The following POU5F1 variants were observed in gnomAD, a reference collection of about 807,000 sequenced individuals.
POU5F1 encodes POU class 5 homeobox 1, also known as POU domain, class 5, transcription factor 1.
In POU5F1, 6 loss-of-function variants were observed where a neutral mutation model predicts 38.3. The observed-to-expected ratio is 0.16, with a 90% CI of 0.09 to 0.31. The LOEUF (loss-of-function observed/expected upper bound fraction) is 0.31, where lower values mean the gene tolerates loss of function less well. Among genes scored for constraint, POU5F1 ranks in the 10% least tolerant of loss-of-function variants. The probability of loss-of-function intolerance (pLI) is 1.00; values close to 1 mark genes in which losing one functional copy is unlikely to be tolerated. For synonymous variants in POU5F1, 147 were observed against 194.9 expected, an observed-to-expected ratio of 0.75 and a Z score of 2.05; for missense variants, 286 against 462.6, an observed-to-expected ratio of 0.62 and a Z score of 3.50.
At chr6:31,168,463 G>A (rs3094194) in intron 1 of POU5F1, among the ~76,000 whole-genome samples, 108,191 of 151,946 alleles carry the variant, frequency 0.71, 38,934 homozygotes, top group African/African-American at 0.81. Context: ...TCGAACTCCC[G>A]ACCTCAGGTG....
chr6:31,166,943 T>C (rs1432689419), intron 1 of POU5F1: 1 of 1,106,662 alleles, frequency 9.0e-7, no homozygotes, highest in Non-Finnish European at 1.2e-6. Context: ...TGTGTGTACT[T>C]ACTCATTTTT....
chr6:31,167,360 G>A (rs28754323), intron 1 of POU5F1, among the ~76,000 whole-genome samples: 2,962 of 151,564 alleles, frequency 0.02, 94 homozygotes, highest in African/African-American at 0.067. Flanking sequence ...GACCCGTGCC[G>A]CCCCTTCTCC....
chr6:31,165,090 G>T lies in POU5F1; in HGVS notation c.816+38C>A. 2.5e-6 allele frequency: 4 copies of T among 1,595,192 alleles called. No individual in the cohort carries two copies. Among genetic ancestry groups the T allele is most frequent in the Non-Finnish European group, 3.4e-6 (4 of 1,171,270 alleles). On this transcript the variant is annotated intron_variant, in intron 4 of 4. Coordinates refer to ENST00000259915, the MANE Select transcript of POU5F1 (RefSeq NM_002701.6). The surrounding 1 kb of genome is among the most constrained non-coding windows in gnomAD (Gnocchi z 6.5). Reference sequence around the variant, plus strand: ...CTAGGGAAAGCGAGGTGGTGACAGGGGAAAGAGATGGAGCCCGCAGAGAGA... The same window carrying T: ...CTAGGGAAAGCGAGGTGGTGACAGGTGAAAGAGATGGAGCCCGCAGAGAGA...
At chr6:31,168,980 A>G (rs1196315232) in intron 1 of POU5F1, among the ~76,000 whole-genome samples, 1 of 152,162 alleles carries the variant, frequency 6.6e-6, no homozygotes, top group Non-Finnish European at 1.5e-5. Flanking sequence ...TGATCATATC[A>G]ATTTCAAATA....
chr6:31,164,971 AGAG>A, intron 4 of POU5F1, 104 bp from the exon 5 acceptor site: 3 of 1,550,758 alleles, frequency 1.9e-6, no homozygotes, highest in Non-Finnish European at 2.6e-6. Context: ...TAGAGCAGTT[AGAG>A]GAGGACATTA....
At chr6:31,169,684 A>T (rs1309952918) in intron 1 of POU5F1, among the ~76,000 whole-genome samples, 1 of 152,124 alleles carries the variant, frequency 6.6e-6, no homozygotes, top group East Asian at 1.9e-4. Flanking sequence ...CAAACAGGAG[A>T]TCCTATCAGA....
rs374746302 is a variant in POU5F1, at chr6:31,166,107, C to G, written c.406-60G>C. On this transcript the variant is annotated intron_variant, in intron 1 of 4. Coordinates refer to ENST00000259915, the MANE Select transcript of POU5F1 (RefSeq NM_002701.6). ...TAAACACACCAGTTATCAATCTCCC[C>G]TTTCCATTCGGGATTCAAGAACCTA... The G allele has an allele frequency of 6.6e-5, 106 of 1,614,098 alleles. No individual in the cohort carries two copies. The African/African-American group carries it at 1.4e-3, about 21-fold the overall frequency.
At chr6:31,168,023 A>G (rs1777403594) in intron 1 of POU5F1, among the ~76,000 whole-genome samples, 1 of 151,894 alleles carries the variant, frequency 6.6e-6, no homozygotes, top group African/African-American at 2.4e-5. Context: ...GCTCACTGCA[A>G]TCTCCGCCTT....
Position 31,164,553 on chromosome 6 carries a change from C to G in POU5F1, c.*48G>C, listed in dbSNP as rs1251306973. Reference sequence around the variant, plus strand: ...GGCACAAACTCCAGGTTTTCTTTCCCTAGCTCCTCCCCTCCCCCTGTCCCC... The same window carrying G: ...GGCACAAACTCCAGGTTTTCTTTCCGTAGCTCCTCCCCTCCCCCTGTCCCC... On this transcript the variant is annotated 3_prime_UTR_variant, in exon 5 of 5. Coordinates refer to ENST00000259915, the MANE Select transcript of POU5F1 (RefSeq NM_002701.6). The G allele has an allele frequency of 6.3e-7, 1 of 1,582,990 alleles. No homozygotes were observed. Among genetic ancestry groups the G allele is most frequent in the South Asian group, 1.2e-5 (1 of 86,754 alleles).
Position 31,170,218 on chromosome 6 carries a change from C to T in POU5F1, c.403G>A (p.Glu135Lys), listed in dbSNP as rs998426491. The change falls in exon 1 of 5, where the codon GAG (glutamate) becomes AAG (lysine). Residue 135 changes from glutamate to lysine, a missense_variant and splice_region_variant. Around this residue, in one of 2 missense-constraint regions of POU5F1, gnomAD observed 176 missense variants for 184.8 expected, o/e 0.95. Transcript: ENST00000259915. ...CAACCCCGTCGAAGCTCACTTGCCT[C>T]CTCCGGGTTTTGCTCCAGCTTCTCC... ...EKEKLEQNPE[E>K]SQDIKALQKE... The T allele has an allele frequency of 9.9e-6, 16 of 1,612,806 alleles. No homozygotes were observed. The East Asian group carries it at 1.6e-4, about 16-fold the overall frequency.
rs374244939 is a variant in POU5F1, at chr6:31,165,548, G to A, written c.657+23C>T. The A allele has an allele frequency of 4.0e-5, 64 of 1,612,814 alleles. No individual in the cohort carries two copies. Among genetic ancestry groups the A allele is most frequent in the Non-Finnish European group, 4.9e-5 (58 of 1,179,998 alleles). Reference sequence around the variant, plus strand: ...TTAGGCCAAGAAAGGGAAGGTCCCCGGGTATCCCCCTCCCACCCTTACCTC... The same window carrying A: ...TTAGGCCAAGAAAGGGAAGGTCCCCAGGTATCCCCCTCCCACCCTTACCTC... On this transcript the variant is annotated intron_variant, in intron 3 of 4. Coordinates refer to ENST00000259915, the MANE Select transcript of POU5F1 (RefSeq NM_002701.6). The surrounding 1 kb of genome is among the most constrained non-coding windows in gnomAD (Gnocchi z 6.5).
chr6:31,165,088 G>T lies in POU5F1; in HGVS notation c.816+40C>A. Reference sequence around the variant, plus strand: ...AGCTAGGGAAAGCGAGGTGGTGACAGGGGAAAGAGATGGAGCCCGCAGAGA... The same window carrying T: ...AGCTAGGGAAAGCGAGGTGGTGACATGGGAAAGAGATGGAGCCCGCAGAGA... On this transcript the variant is annotated intron_variant, in intron 4 of 4. Transcript: ENST00000259915. This position sits in a 1 kb window ranked among gnomAD's most constrained non-coding sequence, Gnocchi z 6.5. 1 of 1,594,446 alleles carries T rather than the reference G, an allele frequency of 6.3e-7. No homozygotes were observed. Among genetic ancestry groups the T allele is most frequent in the African/African-American group, 1.3e-5 (1 of 74,450 alleles).
intron 1 of POU5F1, chr6:31,166,929 G>A: frequency 8.2e-7 from 1 of 1,220,726 alleles, no homozygotes; most frequent in Non-Finnish European, 1.1e-6. Context: ...TGGATAAAGT[G>A]CTTTGTGTGT....
At position 31,165,344 on chromosome 6, in the gene POU5F1, T is replaced by A; in HGVS notation, c.658-58A>T. Reference sequence around the variant, plus strand: ...GCTTTGGACTTGCTGAGTAACAGCATCACAGGGGTCTGTGACTAGATGTGT... The same window carrying A: ...GCTTTGGACTTGCTGAGTAACAGCAACACAGGGGTCTGTGACTAGATGTGT... On this transcript the variant is annotated intron_variant, in intron 3 of 4. Transcript: ENST00000259915. This position sits in a 1 kb window ranked among gnomAD's most constrained non-coding sequence, Gnocchi z 6.5. 1 of 1,585,608 alleles carries A rather than the reference T, an allele frequency of 6.3e-7. No homozygotes were observed. Among genetic ancestry groups the A allele is most frequent in the Non-Finnish European group, 8.6e-7 (1 of 1,164,058 alleles).
At chr6:31,168,755 A>G (rs947234221) in intron 1 of POU5F1, among the ~76,000 whole-genome samples, 1 of 152,198 alleles carries the variant, frequency 6.6e-6, no homozygotes, top group Non-Finnish European at 1.5e-5. Context: ...AGCCATCACA[A>G]GAGACAGAAA....
At chr6:31,166,947 C>T in intron 1 of POU5F1, 2 of 1,136,782 alleles carry the variant, frequency 1.8e-6, no homozygotes, top group Admixed American at 2.3e-5. Context: ...TGTACTTACT[C>T]ATTTTTTAAA....
Position 31,170,282 on chromosome 6 carries a change from C to T in POU5F1, c.339G>A (p.Glu113=), listed in dbSNP as rs1043979893. 7 of 1,612,770 alleles carry T rather than the reference C, an allele frequency of 4.3e-6. No individual in the cohort carries two copies. Among genetic ancestry groups the T allele is most frequent in the Non-Finnish European group, 5.9e-6 (7 of 1,179,846 alleles). Residue 113 remains glutamate, a synonymous_variant, in exon 1 of 5, where the codon GAG becomes GAA. Transcript: ENST00000259915. The part of the protein sequence containing the change: ...VESNSDGASP[E]PCTVTPGAVK... Reference sequence around the variant, plus strand: ...CGGCACCAGGGGTGACGGTGCAGGGCTCCGGGGAGGCCCCATCGGAGTTGC... The same window carrying T: ...CGGCACCAGGGGTGACGGTGCAGGGTTCCGGGGAGGCCCCATCGGAGTTGC...
Position 31,165,173 on chromosome 6 carries a change from C to T in POU5F1, c.771G>A (p.Leu257=), listed in dbSNP as rs776478147. The change falls in exon 4 of 5, where the codon CTG becomes CTA. Residue 257 remains leucine (L), a synonymous_variant. Coordinates refer to ENST00000259915, the MANE Select transcript of POU5F1 (RefSeq NM_002701.6). The surrounding 1 kb of genome is among the most constrained non-coding windows in gnomAD (Gnocchi z 6.5). ...NLFLQCPKPT[L]QQISHIAQQL... ...GCTGGGCGATGTGGCTGATCTGCTG[C>T]AGTGTGGGTTTCGGGCACTGCAGGA... The T allele has an allele frequency of 5.0e-6, 8 of 1,609,728 alleles. No homozygotes were observed. The highest frequency in any genetic ancestry group is 1.3e-5 in the African/African-American group (1 of 74,840).
chr6:31,170,047 T>C, intron 1 of POU5F1, 169 bp downstream of exon 1: 1 of 1,085,282 alleles, frequency 9.2e-7, no homozygotes. Flanking sequence ...GGCCCCTGCC[T>C]GCCAGGGCTG....
Sources: gnomAD v4.1 joint callset for allele counts (sites outside exome capture counted in the v4.1 genomes callset) on GRCh38, gnomAD v4.1.1 for gene constraint, gnomAD v4.1.1 regional missense constraint, Gnocchi (gnomAD v3.1) non-coding constraint, MANE v1.5 for transcripts, NCBI Gene and HGNC (gene_info 2026-07-23, HGNC 2026-07-21) for gene names.